The following TRIM22 variants were observed in gnomAD, a reference collection of about 807,000 sequenced individuals.
The protein encoded by TRIM22 is tripartite motif containing 22.
In TRIM22, 45 loss-of-function variants were observed where a neutral mutation model predicts 53.6. The observed-to-expected ratio is 0.84, with a 90% CI of 0.66 to 1.08. TRIM22 has a LOEUF of 1.08. Among genes scored for constraint, TRIM22 ranks in the 50% least tolerant of loss-of-function variants. The probability of loss-of-function intolerance (pLI) is 0.00; values close to 1 mark genes in which losing one functional copy is unlikely to be tolerated. For synonymous variants in TRIM22, 225 were observed against 216.6 expected (o/e 1.04, Z -0.34); for missense variants, 616 against 590.9 (o/e 1.04, Z -0.44).
chr11:5,697,646 C>T, intron 3 of TRIM22: 1 of 302,282 alleles, frequency 3.3e-6, no homozygotes, highest in Non-Finnish European at 6.2e-6. Flanking sequence ...CCAGTAAACA[C>T]CCTGGAGAAA....
Position 5,697,221 on chromosome 11 carries a change from T to C in TRIM22, c.424-27T>C, listed in dbSNP as rs367599367. On this transcript the variant is annotated intron_variant, in intron 2 of 7. Coordinates refer to ENST00000379965, the MANE Select transcript of TRIM22 (RefSeq NM_006074.5). Reference sequence around the variant, plus strand: ...CAGGTGCTGAGAAAGCTCATAACTTTACTCTGGTATAATTTATTTCTTACA... The same window carrying C: ...CAGGTGCTGAGAAAGCTCATAACTTCACTCTGGTATAATTTATTTCTTACA... The C allele has an allele frequency of 4.6e-4, 715 of 1,557,340 alleles. 7 individuals carry two copies. The highest frequency in any genetic ancestry group is 4.5e-3 in the South Asian group (380 of 85,340).
In TRIM22 at chr11:5,696,663, C is replaced by T; in HGVS notation, c.423+8C>T. ...GTGGTCAAGGAATGTCAGGTAGGCT[C>T]CAAGATAGAGGAAGAGAGAGCAGAG... On this transcript the variant is annotated splice_region_variant and intron_variant, in intron 2 of 7. Coordinates refer to ENST00000379965, the MANE Select transcript of TRIM22 (RefSeq NM_006074.5). The T allele has an allele frequency of 6.2e-7, 1 of 1,601,672 alleles. No homozygotes were observed. Among genetic ancestry groups the T allele is most frequent in the Non-Finnish European group, 8.5e-7 (1 of 1,176,578 alleles).
chr11:5,697,176 C>G, intron 2 of TRIM22, 72 bp from the exon 3 acceptor site: 1 of 1,195,058 alleles, frequency 8.4e-7, no homozygotes, highest in Non-Finnish European at 1.2e-6. Flanking sequence ...CATCCAATTT[C>G]TTCCTTGCTG....
Position 5,698,432 on chromosome 11 carries a change from C to T in TRIM22, c.637C>T (p.Leu213=). ...QKLEEGEVNV[L]DNLAAATDQL... ...GCTGGAGGAAGGTGAGGTGAATGTG[C>T]TGGATAACCTGGCAGCAGCTACAGA... The change falls in exon 4 of 8, where the codon CTG becomes TTG. Residue 213 remains leucine, a synonymous_variant. Transcript: ENST00000379965. 3 of 1,614,202 alleles carry T rather than the reference C, an allele frequency of 1.9e-6. No homozygotes were observed. The highest frequency in any genetic ancestry group is 1.7e-6 in the Non-Finnish European group (2 of 1,180,034).
chr11:5,696,700 G>A (rs1853268681), intron 2 of TRIM22, 45 bp downstream of exon 2: 10 of 1,547,078 alleles, frequency 6.5e-6, no homozygotes, highest in African/African-American at 1.4e-5. Flanking sequence ...GCAGAAGATG[G>A]TACCTAATGT....
intron 4 of TRIM22, among the ~76,000 whole-genome samples, chr11:5,704,253 CT>C (rs112574452): frequency 2.6e-4 from 39 of 151,324 alleles, no homozygotes; most frequent in African/African-American, 9.2e-4. Context: ...CTTTATCTTT[CT>C]TTTTTTTTCT....
In TRIM22 at chr11:5,702,026, T is replaced by C. The variant is rs541230447; in HGVS notation, c.750+3481T>C. Among the ~76,000 whole-genome samples, 9 of 150,414 alleles carry C rather than the reference T, an allele frequency of 6.0e-5. No homozygotes were observed. The South Asian group carries it at 1.9e-3, about 31-fold the overall frequency. ...ATTGATTATTTTATATTATTCAATT[T>C]TCTTTCCTCTCTTAGCTTATTAGTT... On this transcript the variant is annotated intron_variant, in intron 4 of 7. Coordinates refer to ENST00000379965, the MANE Select transcript of TRIM22 (RefSeq NM_006074.5).
At chr11:5,698,938 G>T (rs1191223832) in intron 4 of TRIM22, among the ~76,000 whole-genome samples, 3 of 152,136 alleles carry the variant, frequency 2.0e-5, no homozygotes, top group African/African-American at 7.2e-5. Context: ...GGCTTCTCTG[G>T]ACCTTTCAAT....
chr11:5,691,632 C>T (rs956784953), intron 1 of TRIM22, among the ~76,000 whole-genome samples: 1 of 152,220 alleles, frequency 6.6e-6, no homozygotes, highest in African/African-American at 2.4e-5. Context: ...GGTATCCACT[C>T]CTGTTTTAGA....
intron 1 of TRIM22, among the ~76,000 whole-genome samples, chr11:5,693,489 G>C (rs988404847): frequency 3.3e-5 from 5 of 151,776 alleles, no homozygotes; most frequent in Non-Finnish European, 5.9e-5. Context: ...GGGAGGCCGA[G>C]GCGGGCAGAT....
intron 4 of TRIM22, among the ~76,000 whole-genome samples, chr11:5,701,631 C>A (rs10769184): frequency 0.58 from 88,745 of 151,902 alleles, 26,083 homozygotes; most frequent in Admixed American, 0.63. Context: ...CCTGTGGCTG[C>A]TGTAAGAAAT....
rs758779674 is a variant in TRIM22, at chr11:5,708,256, T to C, written c.857T>C (p.Met286Thr). 249 of 1,613,914 alleles carry C rather than the reference T, an allele frequency of 1.5e-4. 1 individual carries two copies. Among genetic ancestry groups the C allele is most frequent in the Non-Finnish European group, 2.0e-4 (234 of 1,179,892 alleles). Reference sequence around the variant, plus strand: ...TTCCGAGTACCAGATCTGAGTGGGATGCTGCAAGTTCTTAAAGGTAAGGGG... The same window carrying C: ...TTCCGAGTACCAGATCTGAGTGGGACGCTGCAAGTTCTTAAAGGTAAGGGG... ...SVFRVPDLSG[M>T]LQVLKELTDV... The change falls in exon 6 of 8, where the codon ATG becomes ACG. Residue 286 changes from methionine (M) to threonine (T), a missense_variant. Transcript: ENST00000379965.
rs548161933 is a variant in TRIM22 at position 5,701,597 on chromosome 11, G to C, written c.750+3052G>C. Among the ~76,000 whole-genome samples, 13 of 152,210 alleles carry C rather than the reference G, an allele frequency of 8.5e-5. No homozygotes were observed. In the South Asian group the frequency reaches 2.1e-3, roughly 24 times the overall value. ...AGTTGCTATATAGTGTGCTGTTCAG[G>C]TACAACTGTAGCGGTAATCATTTCC... On this transcript the variant is annotated intron_variant, in intron 4 of 7. Transcript: ENST00000379965.
At chr11:5,696,933 AT>A in intron 2 of TRIM22, 1 of 507,524 alleles carries the variant, frequency 2.0e-6, no homozygotes, top group South Asian at 3.2e-5. Flanking sequence ...GAAGAACAGT[AT>A]TTTTGGGAAC....
At chr11:5,701,217 G>C (rs1853369146) in intron 4 of TRIM22, among the ~76,000 whole-genome samples, 1 of 152,106 alleles carries the variant, frequency 6.6e-6, no homozygotes, top group Non-Finnish European at 1.5e-5. Flanking sequence ...TGACCTCATA[G>C]AATGTGTTAC....
At chr11:5,699,745 T>TA (rs2134177305) in intron 4 of TRIM22, among the ~76,000 whole-genome samples, 1 of 150,084 alleles carries the variant, frequency 6.7e-6, no homozygotes, top group East Asian at 2.0e-4. Context: ...TTTTTTTAGT[T>TA]ACAGCCTTTC....
intron 5 of TRIM22, among the ~76,000 whole-genome samples, chr11:5,707,529 G>A (rs1252267030): frequency 6.6e-6 from 1 of 152,094 alleles, no homozygotes; most frequent in East Asian, 1.9e-4. Flanking sequence ...AGCATTATTG[G>A]CTGGGTGCAG....
intron 5 of TRIM22, among the ~76,000 whole-genome samples, chr11:5,706,982 G>A (rs12282048): frequency 0.4 from 60,264 of 151,760 alleles, 12,513 homozygotes; most frequent in Non-Finnish European, 0.46. Flanking sequence ...CAGAGACAGC[G>A]CCTTTATGTT....
intron 4 of TRIM22, among the ~76,000 whole-genome samples, chr11:5,700,624 G>A (rs1162721629): frequency 5.9e-5 from 4 of 67,936 alleles, no homozygotes; most frequent in African/African-American, 2.4e-4. Flanking sequence ...TAATGAAGTT[G>A]AGAAACTTCC....
Sources: gnomAD v4.1 joint callset for allele counts (sites outside exome capture counted in the v4.1 genomes callset) on GRCh38, gnomAD v4.1.1 for gene constraint, MANE v1.5 for transcripts, NCBI Gene and HGNC (gene_info 2026-07-23, HGNC 2026-07-21) for gene names.